Variants in TJP1 observed in about 807,000 individuals in gnomAD.
TJP1 encodes the protein tight junction protein ZO-1.
TJP1 carries 43 observed loss-of-function variants against 194.2 expected under a neutral mutation model. The observed-to-expected ratio is 0.22, with a 90% confidence interval of 0.17 to 0.29. TJP1 has a LOEUF of 0.29. Among genes scored for constraint, TJP1 ranks in the 10% least tolerant of loss-of-function variants. The pLI is 1.00. For missense variants in TJP1, 1,971 were observed against 2,185.7 expected (o/e 0.90, Z 1.96); for synonymous variants, 801 against 779.0 (o/e 1.03, Z -0.47).
chr15:29,870,708 T>C (rs914575376), intron 2 of TJP1, among the ~76,000 whole-genome samples: 2 of 152,194 alleles, frequency 1.3e-5, no homozygotes, highest in African/African-American at 4.8e-5. Flanking sequence ...TCAGGAGAAC[T>C]GTCCCTGCAG....
At chr15:29,773,098 G>GA in intron 3 of TJP1, 135 bp downstream of exon 3, 1 of 1,078,022 alleles carries the variant, frequency 9.3e-7, no homozygotes, top group East Asian at 2.7e-5. Context: ...TTAATTTAAG[G>GA]AAAAATATAT....
At chr15:29,915,563 A>G (rs2054157868) in intron 2 of TJP1, among the ~76,000 whole-genome samples, 2 of 152,232 alleles carry the variant, frequency 1.3e-5, no homozygotes, top group African/African-American at 4.8e-5. Context: ...TTACTTGTTA[A>G]AAAGGATTTT....
At chr15:29,731,565 T>C (rs994728049) in intron 15 of TJP1, among the ~76,000 whole-genome samples, 1 of 152,194 alleles carries the variant, frequency 6.6e-6, no homozygotes, top group African/African-American at 2.4e-5. Flanking sequence ...TTGTGAAAAG[T>C]TGTTAAACAA....
chr15:29,820,444 A>G (rs2050251707), intron 1 of TJP1: 1 of 700,954 alleles, frequency 1.4e-6, no homozygotes, highest in African/African-American at 1.8e-5. Flanking sequence ...AAAAGTCCCT[A>G]CAACGTAATA....
At chr15:29,759,449 C>T (rs2045856778) in intron 8 of TJP1, 1 of 152,126 alleles carries the variant, frequency 6.6e-6, no homozygotes, top group African/African-American at 2.4e-5. Flanking sequence ...ATTAACATAT[C>T]CATACCTCAT....
intron 2 of TJP1, among the ~76,000 whole-genome samples, chr15:29,859,203 A>T (rs1472127722): frequency 6.6e-6 from 1 of 152,256 alleles, no homozygotes; most frequent in East Asian, 1.9e-4. Context: ...AAAACATTTT[A>T]AACCTATATA....
intron 1 of TJP1, among the ~76,000 whole-genome samples, chr15:29,965,956 C>G (rs558986886): frequency 6.6e-6 from 1 of 152,096 alleles, no homozygotes; most frequent in Non-Finnish European, 1.5e-5. Flanking sequence ...TTTTCCAGGC[C>G]GCCTCTTAGT....
intron 2 of TJP1, among the ~76,000 whole-genome samples, chr15:29,863,030 C>T (rs1275635075): frequency 1.3e-5 from 2 of 151,550 alleles, no homozygotes; most frequent in East Asian, 2.0e-4. Flanking sequence ...CACGGTGGCT[C>T]ATGCCTATAA....
Position 29,732,456 on chromosome 15 carries a change from T to A in TJP1, c.1994A>T (p.Glu665Val), listed in dbSNP as rs368646963. 5.6e-6 allele frequency: 9 copies of A among 1,613,614 alleles called. No individual in the cohort carries two copies. Among genetic ancestry groups the A allele is most frequent in the Non-Finnish European group, 7.6e-6 (9 of 1,180,034 alleles). The change falls in exon 15 of 28, where the codon GAA (glutamate) becomes GTA (valine). Residue 665 changes from glutamate to valine, a missense_variant. By Grantham distance (121) the Glu-to-Val change is moderately radical (BLOSUM62 -2). Transcript: ENST00000614355. ...DVAREKLARE[E>V]PDIYQIAKSE... ...ACTTGCAATTTGATAAATATCTGGT[T>A]CTTCTCTTGCCAGCTTTTCTCTGGC...
At chr15:29,961,521 G>A (rs190038800) in intron 1 of TJP1, among the ~76,000 whole-genome samples, 1 of 152,154 alleles carries the variant, frequency 6.6e-6, no homozygotes, top group Non-Finnish European at 1.5e-5. Context: ...CTAGAGGGAA[G>A]GTGGGGAGAA....
Position 29,705,655 on chromosome 15 carries a change from C to G in TJP1, c.4941G>C (p.Leu1647=). 1 of 1,614,206 alleles carries G rather than the reference C, an allele frequency of 6.2e-7. No homozygotes were observed. Among genetic ancestry groups the G allele is most frequent in the Non-Finnish European group, 8.5e-7 (1 of 1,180,044 alleles). ...TACTAACACCAGTTTCTATGGAACT[C>G]AGCACGCCCCCATTGCTGTTAAATA... is the stretch of plus-strand genomic sequence containing the variant. ...RGIFNSNGGV[L]SSIETGVSII... The change falls in exon 26 of 28, where the codon CTG becomes CTC. Residue 1647 remains leucine (L), a synonymous_variant. Transcript: ENST00000614355.
chr15:29,811,760 GAT>G (rs1309449873), intron 1 of TJP1, among the ~76,000 whole-genome samples: 1 of 151,908 alleles, frequency 6.6e-6, no homozygotes. Context: ...CAGGCTGATT[GAT>G]CTTTGTCCAG....
In TJP1 at chr15:29,733,279, A is replaced by G; in HGVS notation, c.1551T>C (p.Asp517=). The change falls in exon 13 of 28, where the codon GAT becomes GAC. Residue 517 remains aspartate (D), a synonymous_variant. Coordinates refer to ENST00000614355, the MANE Select transcript of TJP1 (RefSeq NM_001330239.4). ...CAAAATGGGTTCTAATATAGAAAGA[A>G]TCTCCTACATCTGATTCTACAATGC... ...YRRIVESDVG[D]SFYIRTHFEY... is the part of the protein sequence containing the mutation. 1.2e-6 allele frequency: 2 copies of G among 1,613,384 alleles called. No individual in the cohort carries two copies. Among genetic ancestry groups the G allele is most frequent in the Non-Finnish European group, 1.7e-6 (2 of 1,179,518 alleles).
In TJP1 at chr15:29,786,835, A is replaced by T. The variant is rs966364822; in HGVS notation, c.85-13478T>A. ...AACTGTAAATTAAACGTGACATATA[A>T]ATGGAAAGAGCACTGTATGCTGAGT... is the stretch of plus-strand genomic sequence containing the variant. On this transcript the variant is annotated intron_variant, in intron 2 of 27. Transcript: ENST00000614355. 5.3e-5 allele frequency among the ~76,000 whole-genome samples: 8 copies of T among 152,200 alleles called. No homozygotes were observed. The South Asian group carries it at 1.7e-3, about 32-fold the overall frequency.
chr15:29,868,399 T>C lies in TJP1; in HGVS notation c.307-67697A>G, dbSNP rs138715207. ...TTCCCTTTTCAGTGTTGTGGCTTCA[T>C]ATAAAATCTACATGTGAGCTCTAAT... is the stretch of plus-strand genomic sequence containing the variant. On this transcript the variant is annotated intron_variant, in intron 2 of 28. Transcript: ENST00000356107. 3.5e-3 allele frequency among the ~76,000 whole-genome samples: 532 copies of C among 152,292 alleles called. 2 individuals carry two copies. Among genetic ancestry groups the C allele is most frequent in the African/African-American group, 0.012 (501 of 41,554 alleles).
intron 2 of TJP1, among the ~76,000 whole-genome samples, chr15:29,897,582 G>T (rs1002591109): frequency 6.6e-6 from 1 of 152,130 alleles, no homozygotes; most frequent in African/African-American, 2.4e-5. Context: ...CCAACAGCGT[G>T]CACCATGTGC....
At chr15:29,884,063 A>C (rs2053030483) in intron 2 of TJP1, among the ~76,000 whole-genome samples, 1 of 152,242 alleles carries the variant, frequency 6.6e-6, no homozygotes, top group Non-Finnish European at 1.5e-5. Flanking sequence ...GGATACCCTA[A>C]TGATTATTCT....
chr15:29,892,146 G>A (rs1555447655), intron 2 of TJP1, among the ~76,000 whole-genome samples: 1 of 152,172 alleles, frequency 6.6e-6, no homozygotes, highest in Non-Finnish European at 1.5e-5. Flanking sequence ...TATGGAGAAA[G>A]TTTTAGTGGT....
chr15:29,699,529 A>G (rs571472550), downstream of TJP1: 6 of 152,362 alleles, frequency 3.9e-5, no homozygotes, highest in East Asian at 9.6e-4. Context: ...AATAAACAGT[A>G]TGTGTTTGTC....
Sources: allele counts gnomAD v4.1 joint callset (sites outside exome capture counted in the v4.1 genomes callset), GRCh38; gene constraint gnomAD v4.1.1; transcripts MANE v1.5; gene names NCBI Gene and HGNC (gene_info 2026-07-23, HGNC 2026-07-21).